DACH2: variants seen among roughly 807,000 people sequenced by gnomAD.
DACH2 encodes the protein dachshund homolog 2.
A neutral mutation model predicts 35.8 loss-of-function variants in DACH2; 17 were observed. That is an observed-to-expected ratio of 0.48 (90% CI 0.33 to 0.71). DACH2 has a LOEUF of 0.71. Ranked by LOEUF, DACH2 falls within the 30% of genes least tolerant of loss-of-function variation. The pLI, the probability that DACH2 is intolerant of heterozygous loss-of-function variation, is 0.02. For synonymous variants in DACH2, 195 were observed against 177.3 expected (o/e 1.10, Z -0.79); for missense variants, 469 against 472.7 (o/e 0.99, Z 0.07).
intron 1 of DACH2, among the ~76,000 whole-genome samples, chrX:86,231,078 T>C (rs1171616485): frequency 1.8e-5 from 2 of 112,362 alleles, no homozygotes; most frequent in African/African-American, 6.5e-5. Flanking sequence ...TGACCTTAGA[T>C]TGTCTGTTTG....
At chrX:86,261,134 G>A (rs747667383) in intron 1 of DACH2, among the ~76,000 whole-genome samples, 1 of 112,178 alleles carries the variant, frequency 8.9e-6, no homozygotes, top group Non-Finnish European at 1.9e-5. Flanking sequence ...CTTCAGAAAA[G>A]TTCTAGGAGC....
intron 2 of DACH2, among the ~76,000 whole-genome samples, chrX:86,475,364 C>A (rs1378479005): frequency 1.8e-5 from 2 of 111,318 alleles, no homozygotes; most frequent in African/African-American, 6.5e-5. Flanking sequence ...TCTTCAATTT[C>A]TTTCATCTGT....
At chrX:86,826,877 G>T (rs1343367059) in intron 11 of DACH2, among the ~76,000 whole-genome samples, 7 of 112,130 alleles carry the variant, frequency 6.2e-5, no homozygotes, top group Non-Finnish European at 1.3e-4. Context: ...AAATTATATA[G>T]TGCCCATTTG....
intron 1 of DACH2, among the ~76,000 whole-genome samples, chrX:86,365,615 G>A (rs1004628007): frequency 2.7e-5 from 3 of 111,561 alleles, no homozygotes; most frequent in African/African-American, 9.8e-5. Context: ...CCATTAAAAA[G>A]CATGTTTTCA....
intron 5 of DACH2, among the ~76,000 whole-genome samples, chrX:86,709,450 C>A: frequency 8.9e-6 from 1 of 111,952 alleles, no homozygotes; most frequent in Non-Finnish European, 1.9e-5. Context: ...AACTCTGAAT[C>A]TATTAGAAGA....
In DACH2 at chrX:86,528,153, T is replaced by C. The variant is rs962457299; in HGVS notation, c.640+13762T>C. On this transcript the variant is annotated intron_variant, in intron 3 of 11. Coordinates refer to ENST00000373125, the MANE Select transcript of DACH2 (RefSeq NM_053281.3). The stretch of plus-strand genomic sequence containing the variant: ...ACTAAAAGAGCAAGAGAGAGGAGCA[T>C]AGAGAAAGTGGAAAGGTGACCCAAA... Among the ~76,000 whole-genome samples, 4 of 111,330 alleles carry C rather than the reference T, an allele frequency of 3.6e-5. No homozygotes were observed. In the East Asian group the frequency reaches 1.1e-3, roughly 31 times the overall value.
intron 1 of DACH2, among the ~76,000 whole-genome samples, chrX:86,197,906 A>G (rs1472622547): frequency 8.9e-6 from 1 of 112,052 alleles, no homozygotes; most frequent in Non-Finnish European, 1.9e-5. Context: ...CTCTGAATCA[A>G]GTGGATCTGG....
intron 5 of DACH2, among the ~76,000 whole-genome samples, chrX:86,707,926 A>AAAAAAAAAAAAAAAAAAAAAAAAT (rs2041237017): frequency 9.8e-6 from 1 of 102,432 alleles, no homozygotes; most frequent in East Asian, 3.1e-4. Context: ...AAAAAAAAAA[A>AAAAAAAAAAAAAAAAAAAAAAAAT]AAAATTACAC....
At chrX:86,610,953 C>T (rs974042072) in intron 3 of DACH2, among the ~76,000 whole-genome samples, 1 of 110,649 alleles carries the variant, frequency 9.0e-6, no homozygotes, top group African/African-American at 3.3e-5. Context: ...ATTTCCTTTA[C>T]TTTTCCCTCT....
chrX:86,815,303 T>G (rs2042436309), intron 10 of DACH2, among the ~76,000 whole-genome samples: 1 of 111,525 alleles, frequency 9.0e-6, no homozygotes. Flanking sequence ...GCAGATCCTG[T>G]AAATGGAGAT....
At chrX:86,176,914 G>A (rs1162911648) in intron 1 of DACH2, among the ~76,000 whole-genome samples, 4 of 111,590 alleles carry the variant, frequency 3.6e-5, no homozygotes, top group Non-Finnish European at 5.7e-5. Context: ...TTATTAGTAC[G>A]TCATATATTC....
chrX:86,782,232 G>T (rs1030635711), intron 7 of DACH2, among the ~76,000 whole-genome samples: 1 of 111,477 alleles, frequency 9.0e-6, no homozygotes, highest in Non-Finnish European at 1.9e-5. Context: ...TGGATTGAAA[G>T]AATCAATATT....
chrX:86,614,809 T>C (rs1471562072), intron 3 of DACH2, among the ~76,000 whole-genome samples: 1 of 111,602 alleles, frequency 9.0e-6, no homozygotes, highest in African/African-American at 3.3e-5. Flanking sequence ...AGGTGAGCTG[T>C]ACCTAGCAGG....
chrX:86,290,850 G>A (rs1234730288), intron 1 of DACH2, among the ~76,000 whole-genome samples: 1 of 103,522 alleles, frequency 9.7e-6, no homozygotes, highest in Non-Finnish European at 2.0e-5. Flanking sequence ...TTGAAGTCAG[G>A]TAGTGTGATG....
At chrX:86,421,168 C>T (rs987065993) in intron 2 of DACH2, among the ~76,000 whole-genome samples, 7 of 111,772 alleles carry the variant, frequency 6.3e-5, no homozygotes, top group African/African-American at 2.3e-4. Context: ...AGCTTTATGG[C>T]ACCTCTTTAT....
chrX:86,338,696 A>T (rs944668005), intron 1 of DACH2, among the ~76,000 whole-genome samples: 2 of 111,846 alleles, frequency 1.8e-5, no homozygotes, highest in African/African-American at 6.5e-5. Context: ...AAGCTAGGAG[A>T]AGACAAGAAA....
intron 1 of DACH2, among the ~76,000 whole-genome samples, chrX:86,178,005 A>C (rs1014425385): frequency 9.0e-6 from 1 of 111,700 alleles, no homozygotes; most frequent in Admixed American, 9.6e-5. Flanking sequence ...ACAAAAAAAC[A>C]AAGTACTCAT....
chrX:86,773,483 G>A (rs932255429), intron 7 of DACH2, among the ~76,000 whole-genome samples: 3 of 111,504 alleles, frequency 2.7e-5, no homozygotes, highest in African/African-American at 9.7e-5. Context: ...ATCTGATTTT[G>A]GCTAAGTATA....
rs538023418 is a variant in DACH2, at chrX:86,632,978, C to CA, written c.641-18048dup. Among the ~76,000 whole-genome samples, 171 of 105,287 alleles carry CA rather than the reference C, an allele frequency of 1.6e-3. 1 individual carries two copies. Among genetic ancestry groups the CA allele is most frequent in the African/African-American group, 4.3e-3 (127 of 29,216 alleles). 91.4% of individuals were successfully genotyped at this position (105,287 alleles called of 115,157 possible). A position where few individuals can be genotyped will look rare whatever the true frequency, so the allele number is the denominator to read the frequency against. Reference sequence around the variant, plus strand: ...AATTTATAGAGTTAAATTCCTACATCAAAAAAAAAATCACAAATTAATAAC... The same window carrying CA: ...AATTTATAGAGTTAAATTCCTACATCAAAAAAAAAAATCACAAATTAATAAC... On this transcript the variant is annotated intron_variant, in intron 3 of 11. Transcript: ENST00000373125.
Sources: gnomAD v4.1 joint callset for allele counts (sites outside exome capture counted in the v4.1 genomes callset) on GRCh38, gnomAD v4.1.1 for gene constraint, MANE v1.5 for transcripts, NCBI Gene and HGNC (gene_info 2026-07-23, HGNC 2026-07-21) for gene names.